The following DMD variants were observed in gnomAD, a reference collection of about 807,000 sequenced individuals.
The protein encoded by DMD is mutant dystrophin.
DMD carries 63 observed loss-of-function variants against 330.1 expected under a neutral mutation model. The observed-to-expected ratio is 0.19, with a 90% confidence interval of 0.16 to 0.24. The LOEUF is 0.24. Among genes scored for constraint, DMD ranks in the 10% least tolerant of loss-of-function variants. The pLI, the probability that DMD is intolerant of heterozygous loss-of-function variation, is 1.00. For synonymous variants in DMD, 1,223 were observed against 959.8 expected (o/e 1.27, Z -5.07); for missense variants, 3,344 against 2,684.1 (o/e 1.25, Z -5.43).
At chrX:32,299,123 C>A (rs1174985908) in intron 42 of DMD, among the ~76,000 whole-genome samples, 2 of 110,687 alleles carry the variant, frequency 1.8e-5, no homozygotes, top group African/African-American at 3.3e-5. Flanking sequence ...TTGGGCATCT[C>A]CTGAGTGAAC....
chrX:31,975,908 T>G (rs760124023), intron 44 of DMD, among the ~76,000 whole-genome samples: 5 of 111,838 alleles, frequency 4.5e-5, no homozygotes, highest in Admixed American at 9.5e-5. Flanking sequence ...CTGTAAATAT[T>G]TGATGGAAGT....
chrX:32,565,623 G>A lies in DMD; in HGVS notation c.1992+79C>T, dbSNP rs61413714. On this transcript the variant is annotated intron_variant, in intron 16 of 78. Coordinates refer to ENST00000357033, the MANE Select transcript of DMD (RefSeq NM_004006.3). ...AACTAATCTGGTTGCTTCTTTTGTA[G>A]GGTTATAATGTCACTCTCTTAATGC... 321 of 996,728 alleles carry A rather than the reference G, an allele frequency of 3.2e-4. 1 individual carries two copies. In the African/African-American group the frequency reaches 5.0e-3, roughly 16 times the overall value. The allele number at this position is 996,728 out of a possible 1,213,427, so 82.1% of individuals were successfully genotyped here.
intron 59 of DMD, among the ~76,000 whole-genome samples, chrX:31,477,877 T>C (rs926267172): frequency 9.0e-6 from 1 of 111,665 alleles, no homozygotes; most frequent in Non-Finnish European, 1.9e-5. Flanking sequence ...AAGTGATTTC[T>C]TGCCCTGTAA....
In DMD at chrX:31,919,007, C is replaced by A. The variant is rs1317249056; in HGVS notation, c.6912+10589G>T. The stretch of plus-strand genomic sequence containing the variant: ...TGCTCCCAAACTATATGAAATCTTA[C>A]CCATAGAGTGTCTTTTCTATTAATT... On this transcript the variant is annotated intron_variant, in intron 47 of 78. Transcript: ENST00000357033. Among the ~76,000 whole-genome samples the A allele has an allele frequency of 2.7e-5, 3 of 111,824 alleles. No homozygotes were observed. The East Asian group carries it at 8.4e-4, about 31-fold the overall frequency.
chrX:32,401,817 T>G (rs923667197), intron 30 of DMD, among the ~76,000 whole-genome samples: 2 of 112,665 alleles, frequency 1.8e-5, no homozygotes, highest in Non-Finnish European at 3.8e-5. Context: ...TCAAAATATC[T>G]CATGTAACGT....
At chrX:31,611,227 G>A (rs1024713258) in intron 55 of DMD, among the ~76,000 whole-genome samples, 1 of 109,855 alleles carries the variant, frequency 9.1e-6, no homozygotes, top group African/African-American at 3.3e-5. Flanking sequence ...GAGAGCTTCT[G>A]ACACAATGCA....
At position 32,363,076 on chromosome X, in the gene DMD, G is replaced by C. The variant is rs1274393158; in HGVS notation, c.5155-118C>G. 6 of 712,642 alleles carry C rather than the reference G, an allele frequency of 8.4e-6. No homozygotes were observed. The Admixed American group carries it at 1.4e-4, about 16-fold the overall frequency. The allele number at this position is 712,642 out of a possible 1,213,427, so 58.7% of individuals were successfully genotyped here. A position where few individuals can be genotyped will look rare whatever the true frequency, so the allele number is the denominator to read the frequency against. On this transcript the variant is annotated intron_variant, in intron 36 of 78. Transcript: ENST00000357033. ...GAGCGAGAAGAGTGAGAAAGAGAGAGAGAGAAAGTAAGAAAATGAGAGCAA... is the reference window on the plus strand; with the variant it reads ...GAGCGAGAAGAGTGAGAAAGAGAGACAGAGAAAGTAAGAAAATGAGAGCAA...
intron 17 of DMD, among the ~76,000 whole-genome samples, chrX:32,532,655 C>CTATTGT (rs1261184357): frequency 8.9e-6 from 1 of 112,442 alleles, no homozygotes; most frequent in East Asian, 2.8e-4. Context: ...TACATATTAG[C>CTATTGT]TATTGTTATT....
chrX:31,294,529 C>G (rs1201125619), intron 62 of DMD, among the ~76,000 whole-genome samples: 3 of 112,277 alleles, frequency 2.7e-5, no homozygotes, highest in Non-Finnish European at 5.6e-5. Context: ...CTTCCATTTT[C>G]CTATCTGTAA....
At chrX:31,682,538 T>A (rs1603446221) in intron 52 of DMD, among the ~76,000 whole-genome samples, 2 of 112,223 alleles carry the variant, frequency 1.8e-5, no homozygotes, top group East Asian at 5.6e-4. Context: ...TCTTTAAGTG[T>A]TCTGAAATAT....
At chrX:31,229,134 A>G (rs746916463) in intron 63 of DMD, among the ~76,000 whole-genome samples, 1 of 112,384 alleles carries the variant, frequency 8.9e-6, no homozygotes, top group East Asian at 2.8e-4. Flanking sequence ...GCAGGTGTCA[A>G]AATTCACCAG....
At position 31,929,598 on chromosome X, in the gene DMD, T is replaced by G. The variant is rs535832279; in HGVS notation, c.6910A>C (p.Lys2304Gln). ...KLKQTNLQWI[K>Q]VSRALPEKQG... ...GGAAGAGATGGTTAATGTCTAACCT[T>G]TATCCACTGGAGATTTGTCTGCTTG... The change falls in exon 47 of 79, where the codon AAG becomes CAG. Residue 2304 changes from lysine to glutamine, a missense_variant and splice_region_variant. By Grantham distance (53) the Lys-to-Gln change is moderately conservative (BLOSUM62 1). Transcript: ENST00000357033. The G allele has an allele frequency of 8.3e-7, 1 of 1,209,150 alleles. No individual in the cohort carries two copies. Among genetic ancestry groups the G allele is most frequent in the Non-Finnish European group, 1.1e-6 (1 of 894,887 alleles).
At chrX:32,508,986 A>G (rs916975963) in intron 18 of DMD, among the ~76,000 whole-genome samples, 6 of 108,447 alleles carry the variant, frequency 5.5e-5, no homozygotes, top group Non-Finnish European at 1.1e-4. Flanking sequence ...AATTTTTTGT[A>G]TTTTTAGTAG....
intron 2 of DMD, among the ~76,000 whole-genome samples, chrX:32,930,580 T>C (rs966769183): frequency 7.2e-5 from 8 of 110,461 alleles, no homozygotes; most frequent in African/African-American, 2.3e-4. Context: ...ATTTTTGGTA[T>C]TTCACCCAAG....
chrX:31,624,527 T>C (rs1180817513), intron 55 of DMD, among the ~76,000 whole-genome samples: 6 of 112,173 alleles, frequency 5.3e-5, no homozygotes, highest in Non-Finnish European at 1.1e-4. Flanking sequence ...GGAGTCTCCA[T>C]ATATAGAAAA....
chrX:31,239,037 C>A (rs1331966319), intron 63 of DMD, among the ~76,000 whole-genome samples: 1 of 112,472 alleles, frequency 8.9e-6, no homozygotes, highest in Non-Finnish European at 1.9e-5. Flanking sequence ...AAACATACAG[C>A]TGCTTTCTAT....
chrX:32,527,554 T>C (rs1208445147), intron 17 of DMD, among the ~76,000 whole-genome samples: 4 of 109,723 alleles, frequency 3.6e-5, no homozygotes, highest in African/African-American at 1.3e-4. Context: ...TGGGAAAACT[T>C]GTCCCTCTCT....
At chrX:32,722,453 A>C (rs1603269366) in intron 7 of DMD, among the ~76,000 whole-genome samples, 2 of 110,581 alleles carry the variant, frequency 1.8e-5, no homozygotes, top group African/African-American at 6.5e-5. Context: ...CATTTTGTAT[A>C]AGGGATTTAA....
chrX:32,660,998 C>T (rs1009413707), intron 9 of DMD, among the ~76,000 whole-genome samples: 9 of 111,222 alleles, frequency 8.1e-5, no homozygotes, highest in African/African-American at 2.6e-4. Flanking sequence ...AGAGGCCTGA[C>T]ATTATGCATC....
Sources: gnomAD v4.1 joint callset for allele counts (sites outside exome capture counted in the v4.1 genomes callset) on GRCh38, gnomAD v4.1.1 for gene constraint, MANE v1.5 for transcripts, NCBI Gene and HGNC (gene_info 2026-07-23, HGNC 2026-07-21) for gene names.